CHAF1B: variants seen among roughly 807,000 people sequenced by gnomAD.
CHAF1B encodes CAF-1 subunit B.
A neutral mutation model predicts 60.7 loss-of-function variants in CHAF1B; 10 were observed. The ratio of observed to expected loss-of-function variants is 0.16; its 90% CI spans 0.10 to 0.28. The LOEUF (loss-of-function observed/expected upper bound fraction) is 0.28, where lower values mean the gene tolerates loss of function less well. CHAF1B is among the 10% of genes least tolerant of loss of function. CHAF1B has a pLI of 1.00. For synonymous variants in CHAF1B, 261 were observed against 266.1 expected, an observed-to-expected ratio of 0.98 and a Z score of 0.19; for missense variants, 558 against 708.4, an observed-to-expected ratio of 0.79 and a Z score of 2.41.
At chr21:36,392,497 C>T (rs991830103) in intron 4 of CHAF1B, among the ~76,000 whole-genome samples, 27 of 151,746 alleles carry the variant, frequency 1.8e-4, no homozygotes, top group Admixed American at 7.2e-4. Flanking sequence ...CCAGACAGGG[C>T]GGCCGGGCAG....
At chr21:36,404,034 G>A (rs1440963520) in intron 8 of CHAF1B, among the ~76,000 whole-genome samples, 1 of 149,966 alleles carries the variant, frequency 6.7e-6, no homozygotes, top group Non-Finnish European at 1.5e-5. Context: ...ATAAGTAGTT[G>A]TTTAGGTTAT....
At chr21:36,403,442 G>GCAAGACTCCA in intron 8 of CHAF1B, among the ~76,000 whole-genome samples, 1 of 118,228 alleles carries the variant, frequency 8.5e-6, no homozygotes, top group Admixed American at 1.0e-4. Context: ...GGGCGACAGA[G>GCAAGACTCCA]TGATATCTTA....
At chr21:36,397,607 T>A in intron 6 of CHAF1B, 96 bp downstream of exon 6, 1 of 535,462 alleles carries the variant, frequency 1.9e-6, no homozygotes, top group Non-Finnish European at 3.2e-6. Flanking sequence ...AGATTTATCA[T>A]AGTCTAACTT....
At chr21:36,388,103 G>A (rs375670846) in intron 3 of CHAF1B, among the ~76,000 whole-genome samples, 1 of 152,174 alleles carries the variant, frequency 6.6e-6, no homozygotes, top group Admixed American at 6.5e-5. Context: ...GATTACAGGC[G>A]TGAGCCACTG....
At chr21:36,392,419 G>A (rs929143607) in intron 4 of CHAF1B, among the ~76,000 whole-genome samples, 1 of 152,216 alleles carries the variant, frequency 6.6e-6, no homozygotes, top group Non-Finnish European at 1.5e-5. Context: ...ATCATGGCCC[G>A]TTCTCAGTGA....
Position 36,412,897 on chromosome 21 carries a change from G to T in CHAF1B, c.1075G>T (p.Ala359Ser), listed in dbSNP as rs2086288686. The change falls in exon 12 of 14, where the codon GCC becomes TCC. Residue 359 changes from alanine to serine, a missense_variant. By Grantham distance (99) the Ala-to-Ser change is moderately conservative. Transcript: ENST00000314103. ...TTGGGGACGAAGGTCCAGCGATGGT[G>T]CCTTCCTGGCCATTTCTTCCACGGA... ...LSDISWSSDGAFLAISSTDGY... is the reference protein window; with the variant it reads ...LSDISWSSDGSFLAISSTDGY... The T allele has an allele frequency of 6.2e-7, 1 of 1,613,538 alleles. No homozygotes were observed. The highest frequency in any genetic ancestry group is 1.3e-5 in the African/African-American group (1 of 74,972).
At chr21:36,413,639 A>G (rs2086296005) in intron 12 of CHAF1B, among the ~76,000 whole-genome samples, 1 of 152,056 alleles carries the variant, frequency 6.6e-6, no homozygotes, top group African/African-American at 2.4e-5. Flanking sequence ...CCTGAATGTC[A>G]TCTTCCCAGA....
chr21:36,418,981 A>C lies in CHAF1B; in HGVS notation c.*2615A>C, dbSNP rs1003557698. 6.6e-6 allele frequency: 1 copy of C among 152,200 alleles called. No individual in the cohort carries two copies. The highest frequency in any genetic ancestry group is 2.4e-5 in the African/African-American group (1 of 41,454). 9.4% of individuals were successfully genotyped at this position (152,200 alleles called of 1,614,324 possible). On this transcript the variant is annotated 3_prime_UTR_variant, in exon 14 of 14. Transcript: ENST00000314103. ...TTCTCAGCCATCATCCTTAAATATA[A>C]ATCAAAATTGGCAATAAAAGACCAA...
chr21:36,386,776 C>T (rs1305812007), intron 2 of CHAF1B, among the ~76,000 whole-genome samples: 1 of 150,486 alleles, frequency 6.6e-6, no homozygotes, highest in African/African-American at 2.5e-5. Flanking sequence ...TGCAGTGGTG[C>T]AATCTCGACT....
Position 36,416,582 on chromosome 21 carries a change from G to A in CHAF1B, c.*216G>A, listed in dbSNP as rs8596. ...TAACTTGGGACATGAACGTTTTAAC[G>A]TAGTAAATCCTCTTTTTGATGAGTT... On this transcript the variant is annotated 3_prime_UTR_variant, in exon 14 of 14. Coordinates refer to ENST00000314103, the MANE Select transcript of CHAF1B (RefSeq NM_005441.3). 72,335 of 434,110 alleles carry A rather than the reference G, an allele frequency of 0.17. 11,166 individuals are homozygous for A. The highest frequency in any genetic ancestry group is 0.56 in the African/African-American group (28,898 of 51,244). 26.9% of individuals were successfully genotyped at this position (434,110 alleles called of 1,614,324 possible).
At chr21:36,386,404 C>T in intron 2 of CHAF1B, 142 bp downstream of exon 2, 1 of 1,066,178 alleles carries the variant, frequency 9.4e-7, no homozygotes, top group Non-Finnish European at 1.3e-6. Flanking sequence ...GAGAGGATCG[C>T]TTGAGTCCAG....
chr21:36,411,201 C>T (rs2086275557), intron 10 of CHAF1B, among the ~76,000 whole-genome samples: 1 of 151,684 alleles, frequency 6.6e-6, no homozygotes, highest in Non-Finnish European at 1.5e-5. Context: ...GCAACCTCCG[C>T]CTCCTGGGTT....
At chr21:36,415,720 C>T (rs1006209871) in intron 13 of CHAF1B, 125 of 447,842 alleles carry the variant, frequency 2.8e-4, no homozygotes, top group Non-Finnish European at 6.6e-5. Flanking sequence ...AACAGCATCC[C>T]CGGCTGCTAC....
chr21:36,409,150 C>T (rs573256775), intron 9 of CHAF1B, among the ~76,000 whole-genome samples: 5 of 148,174 alleles, frequency 3.4e-5, no homozygotes, highest in South Asian at 2.1e-4. Context: ...TCATTGCACC[C>T]GGCTTGTATT....
At position 36,416,136 on chromosome 21, in the gene CHAF1B, A is replaced by G. The variant is rs1279814706; in HGVS notation, c.1589-139A>G. 42 of 711,244 alleles carry G rather than the reference A, an allele frequency of 5.9e-5. No homozygotes were observed. In the East Asian group the frequency reaches 1.0e-3, roughly 17 times the overall value. The allele number at this position is 711,244 out of a possible 1,614,324, so 44.1% of individuals were successfully genotyped here. A position where few individuals can be genotyped will look rare whatever the true frequency, so the allele number is the denominator to read the frequency against. ...ATCGCCCCTGGTTGAGAGCCACTCT[A>G]TAGAACTTCCATTATATCAGTATAG... On this transcript the variant is annotated intron_variant, in intron 13 of 13. Transcript: ENST00000314103.
At chr21:36,409,488 G>A in intron 10 of CHAF1B, 23 bp downstream of exon 10, 1 of 1,581,036 alleles carries the variant, frequency 6.3e-7, no homozygotes, top group Non-Finnish European at 8.7e-7. Context: ...CCTCAGGGGT[G>A]TGTTATGTTT....
chr21:36,411,116 C>A (rs564244804), intron 10 of CHAF1B, among the ~76,000 whole-genome samples: 2 of 126,790 alleles, frequency 1.6e-5, no homozygotes, highest in South Asian at 4.8e-4. Context: ...TATAAATATT[C>A]TTTTTTTTTT....
At position 36,416,410 on chromosome 21, in the gene CHAF1B, G is replaced by GTGC; in HGVS notation, c.*45_*47dup. The stretch of plus-strand genomic sequence containing the variant: ...TCGAAGCCTACCAGGCTCCCGGTGT[G>GTGC]TGCAGGGAGACGGTAAAGCTGGAGG... On this transcript the variant is annotated 3_prime_UTR_variant, in exon 14 of 14. Coordinates refer to ENST00000314103, the MANE Select transcript of CHAF1B (RefSeq NM_005441.3). 6.6e-7 allele frequency: 1 copy of GTGC among 1,525,988 alleles called. No individual in the cohort carries two copies. The highest frequency in any genetic ancestry group is 9.0e-7 in the Non-Finnish European group (1 of 1,111,004). The allele number at this position is 1,525,988 out of a possible 1,614,324, so 94.5% of individuals were successfully genotyped here. A position where few individuals can be genotyped will look rare whatever the true frequency, so the allele number is the denominator to read the frequency against.
rs1240077127 is a variant in CHAF1B at position 36,417,765 on chromosome 21, T to G, written c.*1399T>G. ...TACAGGCGTGAGACACCATGCCTGG[T>G]CAAATGGTATCTGTTTTGACGGGTG... On this transcript the variant is annotated 3_prime_UTR_variant, in exon 14 of 14. Transcript: ENST00000314103. 6.6e-6 allele frequency: 1 copy of G among 151,004 alleles called. No homozygotes were observed. Among genetic ancestry groups the G allele is most frequent in the Non-Finnish European group, 1.5e-5 (1 of 67,694 alleles). The allele number at this position is 151,004 out of a possible 1,614,324, so 9.4% of individuals were successfully genotyped here.
Sources: allele counts gnomAD v4.1 joint callset (sites outside exome capture counted in the v4.1 genomes callset), GRCh38; gene constraint gnomAD v4.1.1; transcripts MANE v1.5; gene names NCBI Gene and HGNC (gene_info 2026-07-23, HGNC 2026-07-21).